The following ANKRD30B variants were observed in gnomAD, a reference collection of about 807,000 sequenced individuals.
ANKRD30B encodes the protein ankyrin repeat domain 30B.
A neutral mutation model predicts 202.2 loss-of-function variants in ANKRD30B; 144 were observed. The ratio of observed to expected loss-of-function variants is 0.71; its 90% CI spans 0.62 to 0.82. ANKRD30B has a LOEUF of 0.82. Among genes scored for constraint, ANKRD30B ranks in the 40% least tolerant of loss-of-function variants. The pLI, the probability that ANKRD30B is intolerant of heterozygous loss-of-function variation, is 0.00. For missense variants in ANKRD30B, 1,487 were observed against 1,669.1 expected, an observed-to-expected ratio of 0.89 and a Z score of 1.90; for synonymous variants, 508 against 561.3, an observed-to-expected ratio of 0.91 and a Z score of 1.34.
chr18:14,763,633 G>T, intron 6 of ANKRD30B, 53 bp from the exon 7 acceptor site: 9 of 1,590,658 alleles, frequency 5.7e-6, no homozygotes, highest in Non-Finnish European at 6.8e-6. Flanking sequence ...GGTGAAGTCA[G>T]GAGGATGATA....
chr18:14,873,476 G>A, the ANKRD30B span, among the ~76,000 whole-genome samples: 4 of 143,554 alleles, frequency 2.8e-5, no homozygotes, highest in African/African-American at 1.0e-4. Flanking sequence ...AGTGAGCCGA[G>A]ATGGTGCCAT....
intron 32 of ANKRD30B, among the ~76,000 whole-genome samples, chr18:14,824,207 ATTTAATTAGGCTGTC>A (rs2144127684): frequency 1.3e-5 from 2 of 152,140 alleles, no homozygotes; most frequent in South Asian, 4.2e-4. Flanking sequence ...TCTAAAACAC[ATTTAATTAGGCTGTC>A]TTTCATAGCC....
Position 14,847,093 on chromosome 18 carries a change from T to TAG in ANKRD30B, c.3182-1623_3182-1622insAG, listed in dbSNP as rs1292553217. Among the ~76,000 whole-genome samples, 504 of 130,982 alleles carry TAG rather than the reference T, an allele frequency of 3.8e-3. 10 individuals are homozygous for TAG. Among genetic ancestry groups the TAG allele is most frequent in the African/African-American group, 0.013 (466 of 34,702 alleles). 85.9% of individuals were successfully genotyped at this position (130,982 alleles called of 152,430 possible). On this transcript the variant is annotated intron_variant, in intron 39 of 43. Coordinates refer to ENST00000690538, the MANE Select transcript of ANKRD30B (RefSeq NM_001367607.2). Reference sequence around the variant, plus strand: ...ATATATATATATATATATATATATATGTATAATGTTTTTTAGTTATTGATC... The same window carrying TAG: ...ATATATATATATATATATATATATATAGGTATAATGTTTTTTAGTTATTGATC...
At chr18:14,856,009 C>A (rs542021730), downstream of ANKRD30B, among the ~76,000 whole-genome samples, 1 of 132,250 alleles carries the variant, frequency 7.6e-6, no homozygotes. Context: ...CCAGACTGGG[C>A]GGCCAGGCAG....
chr18:14,821,199 C>A (rs374186361), intron 30 of ANKRD30B, among the ~76,000 whole-genome samples: 1 of 151,968 alleles, frequency 6.6e-6, no homozygotes, highest in Non-Finnish European at 1.5e-5. Flanking sequence ...TCTGTGGGAT[C>A]GGTGGTGATA....
At position 14,803,800 on chromosome 18, in the gene ANKRD30B, G is replaced by A. The variant is rs1267952827; in HGVS notation, c.2260G>A (p.Asp754Asn). 8.1e-6 allele frequency: 13 copies of A among 1,602,138 alleles called. No individual in the cohort carries two copies. Among genetic ancestry groups the A allele is most frequent in the African/African-American group, 5.5e-5 (4 of 73,036 alleles). The change falls in exon 24 of 44, where the codon GAT (aspartate) becomes AAT (asparagine). Residue 754 changes from aspartate (D) to asparagine (N), a missense_variant. By Grantham distance (23) the Asp-to-Asn change is conservative. Transcript: ENST00000690538. ...CAAGGCTACACATCAAAAAGAATTC[G>A]ATACCTTAAGTGGAAAATTAGAAGG... ...LPKATHQKEF[D>N]TLSGKLEESP...
the ANKRD30B span, among the ~76,000 whole-genome samples, chr18:14,934,016 C>T: frequency 3.9e-5 from 6 of 152,228 alleles, no homozygotes; most frequent in Admixed American, 1.3e-4. Flanking sequence ...GTACCCCAGA[C>T]CATCCTTCCT....
At chr18:14,911,343 G>A in the ANKRD30B span, among the ~76,000 whole-genome samples, 1 of 152,032 alleles carries the variant, frequency 6.6e-6, no homozygotes, top group Non-Finnish European at 1.5e-5. Flanking sequence ...TCTGCATAGG[G>A]CAATCCAATT....
At chr18:14,822,726 A>G (rs1361264920) in intron 32 of ANKRD30B, 49 bp downstream of exon 32, 3 of 1,204,306 alleles carry the variant, frequency 2.5e-6, no homozygotes, top group South Asian at 1.6e-5. Context: ...ACATTAAAAT[A>G]TTTGAAGTGC....
intron 36 of ANKRD30B, among the ~76,000 whole-genome samples, chr18:14,838,784 CT>C (rs780050300): frequency 6.6e-6 from 1 of 152,316 alleles, no homozygotes; most frequent in South Asian, 2.1e-4. Flanking sequence ...ATACCAGTAA[CT>C]TTGTTTATAA....
chr18:14,752,451 A>G (rs567340572), intron 1 of ANKRD30B, 115 bp from the exon 2 acceptor site: 11 of 706,166 alleles, frequency 1.6e-5, no homozygotes, highest in Admixed American at 3.2e-5. Context: ...AATATTAAAT[A>G]TTTGTTTTGA....
intron 4 of ANKRD30B, 150 bp downstream of exon 4, chr18:14,755,155 A>G (rs572261615): frequency 2.0e-6 from 1 of 501,580 alleles, no homozygotes; most frequent in Admixed American, 3.9e-5. Flanking sequence ...AAGAAAAGCA[A>G]TTATTTGGAC....
chr18:14,779,890 A>T, intron 10 of ANKRD30B, 70 bp from the exon 11 acceptor site: 1 of 1,091,458 alleles, frequency 9.2e-7, no homozygotes. Context: ...ATGAAAATAG[A>T]TTTGTATATG....
chr18:14,936,576 A>T, the ANKRD30B span, among the ~76,000 whole-genome samples: 3 of 152,098 alleles, frequency 2.0e-5, no homozygotes, highest in Non-Finnish European at 4.4e-5. Context: ...ATTAGAAATG[A>T]TAGTCCTTGC....
intron 8 of ANKRD30B, among the ~76,000 whole-genome samples, chr18:14,770,645 T>C (rs1282149993): frequency 6.6e-6 from 1 of 152,146 alleles, no homozygotes; most frequent in East Asian, 1.9e-4. Context: ...GAATGTTGGA[T>C]TTTATGACAA....
At chr18:14,901,738 A>G in the ANKRD30B span, among the ~76,000 whole-genome samples, 8 of 152,186 alleles carry the variant, frequency 5.3e-5, no homozygotes, top group Admixed American at 2.6e-4. Flanking sequence ...TTCAATAAGA[A>G]TTTGCTCTCT....
At chr18:14,867,198 G>T in the ANKRD30B span, among the ~76,000 whole-genome samples, 1 of 151,154 alleles carries the variant, frequency 6.6e-6, no homozygotes. Flanking sequence ...GGGATGGGTT[G>T]TGGACACTAT....
At chr18:14,902,684 G>A in the ANKRD30B span, among the ~76,000 whole-genome samples, 3 of 152,058 alleles carry the variant, frequency 2.0e-5, no homozygotes, top group East Asian at 1.9e-4. Context: ...TTCCTCAGCC[G>A]TGAGACAATG....
At chr18:14,854,897 G>GA (rs1972035838), downstream of ANKRD30B, among the ~76,000 whole-genome samples, 1 of 150,702 alleles carries the variant, frequency 6.6e-6, no homozygotes, top group Non-Finnish European at 1.5e-5. Context: ...CCCTTGGGGT[G>GA]ATGCACTATG....
Sources: gnomAD v4.1 joint callset for allele counts (sites outside exome capture counted in the v4.1 genomes callset) on GRCh38, gnomAD v4.1.1 for gene constraint, MANE v1.5 for transcripts, NCBI Gene and HGNC (gene_info 2026-07-23, HGNC 2026-07-21) for gene names.